The following DYNC2I2 variants were observed in gnomAD, a reference collection of about 807,000 sequenced individuals.
DYNC2I2 encodes cytoplasmic dynein 2 intermediate chain 2.
Under a neutral mutation model 52.0 loss-of-function variants are expected in DYNC2I2, and 39 were observed. The observed-to-expected ratio is 0.75, with a 90% confidence interval of 0.58 to 0.98. DYNC2I2 has a LOEUF of 0.98. DYNC2I2 is among the 50% of genes least tolerant of loss of function. DYNC2I2 has a pLI of 0.00. For synonymous variants in DYNC2I2, 359 were observed against 321.1 expected (o/e 1.12, Z -1.26); for missense variants, 743 against 728.4 (o/e 1.02, Z -0.23).
At chr9:128,666,036 C>G in the DYNC2I2 span, among the ~76,000 whole-genome samples, 1 of 151,692 alleles carries the variant, frequency 6.6e-6, no homozygotes, top group Non-Finnish European at 1.5e-5. Context: ...GATGGCACCA[C>G]TGCACTCCAG....
Position 128,649,864 on chromosome 9 carries a change from G to A in DYNC2I2, c.186+6677C>T, listed in dbSNP as rs1279984212. Among the ~76,000 whole-genome samples the A allele has an allele frequency of 9.3e-5, 5 of 53,634 alleles. 2 individuals carry two copies. Among genetic ancestry groups the A allele is most frequent in the African/African-American group, 1.9e-4 (5 of 27,018 alleles). The allele number at this position is 53,634 out of a possible 152,430, so 35.2% of individuals were successfully genotyped here. On this transcript the variant is annotated intron_variant, in intron 1 of 8. Transcript: ENST00000372715. ...AAAAATTAGCTGGGCATGGTGGTGCGTGCCTGTAGTCTCAGCTACTAAGGA... is the reference window on the plus strand; with the variant it reads ...AAAAATTAGCTGGGCATGGTGGTGCATGCCTGTAGTCTCAGCTACTAAGGA...
upstream of DYNC2I2, among the ~76,000 whole-genome samples, chr9:128,661,710 A>C (rs1860921215): frequency 6.6e-6 from 1 of 151,884 alleles, no homozygotes; most frequent in Non-Finnish European, 1.5e-5. Flanking sequence ...AGGTCCTAAT[A>C]ACAATCACAC....
rs1564344280 is a variant in DYNC2I2, at chr9:128,649,705, A to AAAAAAAAAAAAAAAAAAAAC, written c.186+6835_186+6836insGTTTTTTTTTTTTTTTTTTT. On this transcript the variant is annotated intron_variant, in intron 1 of 8. Transcript: ENST00000372715. ...CTCCATCTCAAAAAAAAAAAAAAAA[A>AAAAAAAAAAAAAAAAAAAAC]AAAACTGGGCCAGGTGCAGTGGCTC... Among the ~76,000 whole-genome samples the AAAAAAAAAAAAAAAAAAAAC allele has an allele frequency of 1.3e-4, 18 of 143,534 alleles. 1 individual carries two copies. Among genetic ancestry groups the AAAAAAAAAAAAAAAAAAAAC allele is most frequent in the African/African-American group, 4.9e-4 (18 of 36,836 alleles). 94.2% of individuals were successfully genotyped at this position (143,534 alleles called of 152,430 possible).
Position 128,634,722 on chromosome 9 carries a change from G to A in DYNC2I2, c.1181C>T (p.Pro394Leu). The A allele has an allele frequency of 1.3e-6, 2 of 1,588,798 alleles. No individual in the cohort carries two copies. Among genetic ancestry groups the A allele is most frequent in the Non-Finnish European group, 1.7e-6 (2 of 1,168,420 alleles). The change falls in exon 7 of 9, where the codon CCC becomes CTC. Residue 394 changes from proline (P) to leucine (L), a missense_variant. Pro to Leu is a moderately conservative substitution (Grantham distance 98). Coordinates refer to ENST00000372715, the MANE Select transcript of DYNC2I2 (RefSeq NM_052844.4). ...AQFTFSPHGG[P>L]IYSVSCSPFH... The stretch of plus-strand genomic sequence containing the variant: ...GGGGGAACAGCTCACAGAGTAGATG[G>A]GACCGCCGTGGGGGGAGAAGGTAAA...
In DYNC2I2 at chr9:128,633,951, G is replaced by C. The variant is rs762884049; in HGVS notation, c.1404C>G (p.Ser468Arg). Residue 468 changes from serine to arginine, a missense_variant, in exon 9 of 9, where the codon AGC (serine) becomes AGG (arginine). Ser to Arg is a moderately radical substitution (Grantham distance 110, BLOSUM62 -1). Transcript: ENST00000372715. ...TGATCAAAACTGTGGGTTTCTGGGA[G>C]CTTTTCTGGAGATCAAACAGCTGCA... is the stretch of plus-strand genomic sequence containing the variant. Reference protein sequence around the residue: ...GDVQLFDLQKSSQKPTVLIKQ... With the variant: ...GDVQLFDLQKRSQKPTVLIKQ... The C allele has an allele frequency of 6.2e-7, 1 of 1,613,098 alleles. No homozygotes were observed. The highest frequency in any genetic ancestry group is 1.1e-5 in the South Asian group (1 of 91,088).
intron 3 of DYNC2I2, 24 bp from the exon 4 acceptor site, chr9:128,636,462 G>T: frequency 6.3e-7 from 1 of 1,582,716 alleles, no homozygotes; most frequent in Non-Finnish European, 8.5e-7. Context: ...GGCTTGAGCC[G>T]GCTGTGCCCC....
At position 128,633,951 on chromosome 9, in the gene DYNC2I2, G is replaced by A. The variant is rs762884049; in HGVS notation, c.1404C>T (p.Ser468=). 2 of 1,613,098 alleles carry A rather than the reference G, an allele frequency of 1.2e-6. No homozygotes were observed. The highest frequency in any genetic ancestry group is 8.5e-7 in the Non-Finnish European group (1 of 1,180,034). ...GDVQLFDLQK[S]SQKPTVLIKQ... is the part of the protein sequence containing the mutation. Reference sequence around the variant, plus strand: ...TGATCAAAACTGTGGGTTTCTGGGAGCTTTTCTGGAGATCAAACAGCTGCA... The same window carrying A: ...TGATCAAAACTGTGGGTTTCTGGGAACTTTTCTGGAGATCAAACAGCTGCA... The change falls in exon 9 of 9, where the codon AGC becomes AGT. Residue 468 remains serine (S), a synonymous_variant. Coordinates refer to ENST00000372715, the MANE Select transcript of DYNC2I2 (RefSeq NM_052844.4).
rs1039142797 is a variant in DYNC2I2 at position 128,633,895 on chromosome 9, C to T, written c.1460G>A (p.Cys487Tyr). 3.7e-6 allele frequency: 6 copies of T among 1,613,320 alleles called. No individual in the cohort carries two copies. Among genetic ancestry groups the T allele is most frequent in the East Asian group, 2.2e-5 (1 of 44,900 alleles). Residue 487 changes from cysteine to tyrosine, a missense_variant, in exon 9 of 9, where the codon TGT becomes TAT. Coordinates refer to ENST00000372715, the MANE Select transcript of DYNC2I2 (RefSeq NM_052844.4). ...KQTQDESPVY[C>Y]LEFNSQQTQL... is the part of the protein sequence containing the mutation. Reference sequence around the variant, plus strand: ...AGTCTGCTGGCTGTTGAACTCCAGACAGTAGACAGGGCTTTCATCCTGGGT... The same window carrying T: ...AGTCTGCTGGCTGTTGAACTCCAGATAGTAGACAGGGCTTTCATCCTGGGT...
rs766946262 is a variant in DYNC2I2, at chr9:128,633,909, T to TG, written c.1445_1446insC (p.Glu482AspfsTer44). On this transcript the variant is annotated frameshift_variant, in exon 9 of 9. Transcript: ENST00000372715. LOFTEE classifies it high-confidence loss of function. ...TGAACTCCAGACAGTAGACAGGGCTTTCATCCTGGGTTTGCTTGATCAAAA... is the reference window on the plus strand; with the variant it reads ...TGAACTCCAGACAGTAGACAGGGCTTGTCATCCTGGGTTTGCTTGATCAAAA... 1 of 1,613,212 alleles carries TG rather than the reference T, an allele frequency of 6.2e-7. No homozygotes were observed. Among genetic ancestry groups the TG allele is most frequent in the Non-Finnish European group, 8.5e-7 (1 of 1,180,036 alleles).
the DYNC2I2 span, among the ~76,000 whole-genome samples, chr9:128,664,002 G>A: frequency 7.2e-6 from 1 of 139,282 alleles, no homozygotes; most frequent in Non-Finnish European, 1.5e-5. Context: ...TTCTTGCCCA[G>A]GCTGGAGTGC....
At position 128,636,965 on chromosome 9, in the gene DYNC2I2, G is replaced by A. The variant is rs1464019566; in HGVS notation, c.498C>T (p.Ser166=). ...CAGAGCCAGTGGAGTTCCAGGAGAT[G>A]CTGGTCACATGCAGACCCTGCGCTT... ...PAQAQGLHVT[S]ISWNSTGSVV... The change falls in exon 3 of 9, where the codon AGC becomes AGT. Residue 166 remains serine, a synonymous_variant. Coordinates refer to ENST00000372715, the MANE Select transcript of DYNC2I2 (RefSeq NM_052844.4). 9.3e-6 allele frequency: 15 copies of A among 1,613,446 alleles called. No homozygotes were observed. Among genetic ancestry groups the A allele is most frequent in the South Asian group, 6.6e-5 (6 of 91,082 alleles).
chr9:128,658,712 C>T (rs1264842677), upstream of DYNC2I2, among the ~76,000 whole-genome samples: 4 of 146,298 alleles, frequency 2.7e-5, no homozygotes, highest in Non-Finnish European at 6.0e-5. Context: ...AGCCACCTCA[C>T]CTGACCTAAT....
the DYNC2I2 span, among the ~76,000 whole-genome samples, chr9:128,675,586 C>T: frequency 3.9e-5 from 6 of 152,128 alleles, no homozygotes; most frequent in African/African-American, 9.7e-5. Flanking sequence ...GCTTAGTCAG[C>T]GCCACATGTA....
chr9:128,655,695 G>A lies in DYNC2I2; in HGVS notation c.186+846C>T, dbSNP rs548328282. On this transcript the variant is annotated intron_variant, in intron 1 of 8. Transcript: ENST00000372715. ...AAGGCCGAGGAGGGCGGATCACGAG[G>A]ACAGGAGATGGAAACCATTCTGGCT... Among the ~76,000 whole-genome samples the A allele has an allele frequency of 1.2e-4, 17 of 146,850 alleles. No individual in the cohort carries two copies. The South Asian group carries it at 2.0e-3, about 17-fold the overall frequency.
chr9:128,635,576 C>T (rs1213433476), intron 5 of DYNC2I2, 82 bp downstream of exon 5: 70 of 1,305,378 alleles, frequency 5.4e-5, no homozygotes, highest in Middle Eastern at 2.3e-4. Context: ...TGCCAACGCC[C>T]GGGTGACCTT....
chr9:128,636,224 G>A, intron 4 of DYNC2I2, 57 bp downstream of exon 4: 4 of 1,550,044 alleles, frequency 2.6e-6, no homozygotes, highest in Non-Finnish European at 3.5e-6. Flanking sequence ...TGTGCCCTCT[G>A]CAGGGCGGGA....
At chr9:128,656,478 G>C in intron 1 of DYNC2I2, 63 bp downstream of exon 1, 1 of 1,190,364 alleles carries the variant, frequency 8.4e-7, no homozygotes, top group Non-Finnish European at 1.0e-6. Context: ...GAACCCGCCC[G>C]GCAGCCGCGC....
upstream of DYNC2I2, chr9:128,656,880 A>C: frequency 1.3e-6 from 1 of 778,496 alleles, no homozygotes; most frequent in Non-Finnish European, 1.8e-6. Flanking sequence ...AAAAGTAACG[A>C]TTCTTCTCGG....
intron 1 of DYNC2I2, among the ~76,000 whole-genome samples, chr9:128,646,024 G>C (rs1252183280): frequency 6.6e-6 from 1 of 152,190 alleles, no homozygotes; most frequent in Non-Finnish European, 1.5e-5. Flanking sequence ...GGAAGCTGCA[G>C]AAGAAAAGTG....
Sources: gnomAD v4.1 joint callset for allele counts (sites outside exome capture counted in the v4.1 genomes callset) on GRCh38, gnomAD v4.1.1 for gene constraint, MANE v1.5 for transcripts, NCBI Gene and HGNC (gene_info 2026-07-23, HGNC 2026-07-21) for gene names.